The following ACVR2A variants were observed in gnomAD, a reference collection of about 807,000 sequenced individuals.
ACVR2A encodes activin A receptor type 2A, also known as activin receptor type-2A.
Under a neutral mutation model 61.4 loss-of-function variants are expected in ACVR2A, and 7 were observed. That is an observed-to-expected ratio of 0.11 (90% CI 0.06 to 0.21). The LOEUF (loss-of-function observed/expected upper bound fraction) is 0.21. ACVR2A is among the 10% of genes least tolerant of loss of function. The pLI, the probability that ACVR2A is intolerant of heterozygous loss-of-function variation, is 1.00. For missense variants in ACVR2A, 322 were observed against 621.7 expected (o/e 0.52, Z 5.13); for synonymous variants, 193 against 208.3 (o/e 0.93, Z 0.63).
intron 1 of ACVR2A, among the ~76,000 whole-genome samples, chr2:147,875,750 A>G (rs546925170): frequency 1.3e-5 from 2 of 152,216 alleles, no homozygotes; most frequent in South Asian, 2.1e-4. Context: ...AACTCCATGT[A>G]TGTTGGTGTA....
chr2:147,868,580 C>T (rs1436252924), intron 1 of ACVR2A, among the ~76,000 whole-genome samples: 2 of 151,746 alleles, frequency 1.3e-5, no homozygotes, highest in African/African-American at 4.8e-5. Flanking sequence ...CTGCCCCCCC[C>T]AAGGTTTTAG....
intron 8 of ACVR2A, among the ~76,000 whole-genome samples, chr2:147,921,710 A>T (rs1687386160): frequency 6.6e-6 from 1 of 152,184 alleles, no homozygotes; most frequent in Admixed American, 6.5e-5. Flanking sequence ...TAATTGAATG[A>T]TAGACTATCA....
chr2:147,915,452 G>A, intron 5 of ACVR2A, 118 bp downstream of exon 5: 2 of 1,152,966 alleles, frequency 1.7e-6, no homozygotes, highest in Non-Finnish European at 1.2e-6. Flanking sequence ...GTGATACTGG[G>A]GAAAGCAGTT....
intron 1 of ACVR2A, among the ~76,000 whole-genome samples, chr2:147,858,860 A>G (rs1199878739): frequency 2.0e-5 from 3 of 152,192 alleles, no homozygotes; most frequent in Non-Finnish European, 4.4e-5. Context: ...TGAATTTCAT[A>G]TAATTTCATG....
chr2:147,886,722 T>G (rs942602965), intron 1 of ACVR2A, among the ~76,000 whole-genome samples: 5 of 152,174 alleles, frequency 3.3e-5, no homozygotes, highest in African/African-American at 1.2e-4. Context: ...TAAGTACTGT[T>G]TGTGTTAAGA....
intron 1 of ACVR2A, among the ~76,000 whole-genome samples, chr2:147,881,007 G>T (rs1410885130): frequency 6.6e-6 from 1 of 152,114 alleles, no homozygotes; most frequent in Non-Finnish European, 1.5e-5. Context: ...GTTATGAGAA[G>T]CTTACTTATA....
Position 147,879,406 on chromosome 2 carries a change from G to T in ACVR2A, c.56-16895G>T, listed in dbSNP as rs150743639. Among the ~76,000 whole-genome samples, 5 of 152,246 alleles carry T rather than the reference G, an allele frequency of 3.3e-5. No individual in the cohort carries two copies. In the East Asian group the frequency reaches 9.7e-4, roughly 29 times the overall value. On this transcript the variant is annotated intron_variant, in intron 1 of 10. Coordinates refer to ENST00000241416, the MANE Select transcript of ACVR2A (RefSeq NM_001616.5). Reference sequence around the variant, plus strand: ...TCTGTGACCTAAACGCCACCATTAGGCCCCACCTCTCAATACACTGGCAAT... The same window carrying T: ...TCTGTGACCTAAACGCCACCATTAGTCCCCACCTCTCAATACACTGGCAAT...
In ACVR2A at chr2:147,879,552, G is replaced by C. The variant is rs149610279; in HGVS notation, c.56-16749G>C. Among the ~76,000 whole-genome samples, 343 of 152,290 alleles carry C rather than the reference G, an allele frequency of 2.3e-3. 3 individuals carry two copies. The highest frequency in any genetic ancestry group is 0.01 in the East Asian group (53 of 5,186). On this transcript the variant is annotated intron_variant, in intron 1 of 10. Transcript: ENST00000241416. Reference sequence around the variant, plus strand: ...ACCTATTAAAAGGAAGTTAGGGATGGGGAGAAAGTGGTAGAAAGAATGTAT... The same window carrying C: ...ACCTATTAAAAGGAAGTTAGGGATGCGGAGAAAGTGGTAGAAAGAATGTAT...
intron 1 of ACVR2A, among the ~76,000 whole-genome samples, chr2:147,872,652 C>G (rs1686051426): frequency 1.3e-5 from 2 of 150,840 alleles, no homozygotes; most frequent in South Asian, 4.2e-4. Flanking sequence ...TAAATGCATC[C>G]TTTCTGAAAA....
intron 1 of ACVR2A, among the ~76,000 whole-genome samples, chr2:147,850,280 G>C (rs994066795): frequency 6.6e-6 from 1 of 152,026 alleles, no homozygotes; most frequent in Non-Finnish European, 1.5e-5. Context: ...GGGCTTACCC[G>C]TAGTTTTAAT....
At chr2:147,874,091 C>T (rs1172073711) in intron 1 of ACVR2A, among the ~76,000 whole-genome samples, 1 of 151,822 alleles carries the variant, frequency 6.6e-6, no homozygotes, top group African/African-American at 2.4e-5. Flanking sequence ...AAAGATTAGG[C>T]AGAATACTAT....
rs1161100453 is a variant in ACVR2A, at chr2:147,884,247, AAAG to A, written c.56-12048_56-12046del. Among the ~76,000 whole-genome samples the A allele has an allele frequency of 5.9e-5, 9 of 152,266 alleles. No individual in the cohort carries two copies. The East Asian group carries it at 1.7e-3, about 29-fold the overall frequency. Reference sequence around the variant, plus strand: ...AGTCACCATTATCCCTTCTCCCCGCAAAGAAGAACATCTAATGTTAGAAATCTG... The same window carrying A: ...AGTCACCATTATCCCTTCTCCCCGCAAAGAACATCTAATGTTAGAAATCTG... On this transcript the variant is annotated intron_variant, in intron 1 of 10. Transcript: ENST00000241416.
intron 5 of ACVR2A, 126 bp from the exon 6 acceptor site, chr2:147,917,157 A>G: frequency 9.5e-7 from 1 of 1,056,336 alleles, no homozygotes; most frequent in South Asian, 2.2e-5. Context: ...AAACAGAACA[A>G]AAAATTTTTT....
At chr2:147,863,907 C>A (rs2105147822) in intron 1 of ACVR2A, among the ~76,000 whole-genome samples, 1 of 152,248 alleles carries the variant, frequency 6.6e-6, no homozygotes. Context: ...ATCAAATGTT[C>A]AAAGTAAATG....
intron 4 of ACVR2A, among the ~76,000 whole-genome samples, chr2:147,908,535 A>G (rs1021719252): frequency 7.2e-5 from 11 of 152,190 alleles, no homozygotes; most frequent in African/African-American, 2.4e-4. Context: ...TGCAATTGAC[A>G]TGTCAATACT....
chr2:147,906,566 G>T (rs1047604514), intron 4 of ACVR2A, among the ~76,000 whole-genome samples: 7 of 152,096 alleles, frequency 4.6e-5, no homozygotes, highest in African/African-American at 1.4e-4. Flanking sequence ...GCCACATGTG[G>T]GTGCCTAGCT....
At chr2:147,912,643 A>C (rs1169630095) in intron 4 of ACVR2A, among the ~76,000 whole-genome samples, 2 of 151,946 alleles carry the variant, frequency 1.3e-5, no homozygotes, top group Non-Finnish European at 2.9e-5. Context: ...CATTTCTACT[A>C]TTATAGGATG....
At chr2:147,847,773 C>T (rs1048925371) in intron 1 of ACVR2A, among the ~76,000 whole-genome samples, 3 of 152,166 alleles carry the variant, frequency 2.0e-5, no homozygotes, top group African/African-American at 7.2e-5. Flanking sequence ...TTTCATTCCT[C>T]TCATACTTTC....
rs1163808315 is a variant in ACVR2A, at chr2:147,926,117, A to C, written c.1303A>C (p.Lys435Gln). The change falls in exon 10 of 11, where the codon AAA (lysine) becomes CAA (glutamine). Residue 435 changes from lysine (K) to glutamine (Q), a missense_variant. Coordinates refer to ENST00000241416, the MANE Select transcript of ACVR2A (RefSeq NM_001616.5). The stretch of plus-strand genomic sequence containing the variant: ...AGACATGCAGGAAGTTGTTGTGCAT[A>C]AAAAAAAGAGGCCTGTTTTAAGAGA... ...LEDMQEVVVH[K>Q]KKRPVLRDYW... 1 of 1,608,930 alleles carries C rather than the reference A, an allele frequency of 6.2e-7. No homozygotes were observed. The highest frequency in any genetic ancestry group is 2.2e-5 in the East Asian group (1 of 44,740).
Sources: gnomAD v4.1 joint callset for allele counts (sites outside exome capture counted in the v4.1 genomes callset) on GRCh38, gnomAD v4.1.1 for gene constraint, MANE v1.5 for transcripts, NCBI Gene and HGNC (gene_info 2026-07-23, HGNC 2026-07-21) for gene names.